The following PCDHGA8 variants were observed in gnomAD, a reference collection of about 807,000 sequenced individuals.
PCDHGA8 encodes the protein protocadherin gamma subfamily A, 8, also known as protocadherin gamma-A8.
In PCDHGA8, 45 loss-of-function variants were observed where a neutral mutation model predicts 59.2. The ratio of observed to expected loss-of-function variants is 0.76; its 90% CI spans 0.60 to 0.98. The LOEUF (loss-of-function observed/expected upper bound fraction) is 0.98, where lower values mean the gene tolerates loss of function less well. PCDHGA8 is among the 50% of genes least tolerant of loss of function. PCDHGA8 has a pLI of 0.00. For synonymous variants in PCDHGA8, 531 were observed against 519.0 expected, an observed-to-expected ratio of 1.02 and a Z score of -0.32; for missense variants, 1,257 against 1,196.2, an observed-to-expected ratio of 1.05 and a Z score of -0.75.
At chr5:141,413,271 C>T in intron 1 of PCDHGA8, 1 of 1,613,940 alleles carries the variant, frequency 6.2e-7, no homozygotes, top group Non-Finnish European at 8.5e-7. Flanking sequence ...AGGCTGGAGC[C>T]CGGCAGATCT....
In PCDHGA8 at chr5:141,486,184, A is replaced by G. The variant is rs2099625756; in HGVS notation, c.2425-8623A>G. 8 of 1,614,014 alleles carry G rather than the reference A, an allele frequency of 5.0e-6. No homozygotes were observed. Among genetic ancestry groups the G allele is most frequent in the Non-Finnish European group, 6.8e-6 (8 of 1,180,026 alleles). On this transcript the variant is annotated intron_variant, in intron 1 of 3. Transcript: ENST00000398604. This position sits in a 1 kb window ranked among gnomAD's most constrained non-coding sequence, Gnocchi z 5.0. ...CCATGGAGCAACATTGCAGCCTTCG[A>G]GTGGATCTGCTGGACGTAAATGACA...
chr5:141,457,868 G>T lies in PCDHGA8; in HGVS notation c.2425-36939G>T, dbSNP rs1479066479. ...AAAGTGACATTCTTCACTGACCACA[G>T]GTTAGGAACCCTGTGTGGGGACTGT... On this transcript the variant is annotated intron_variant, in intron 1 of 3. Transcript: ENST00000398604. Among the ~76,000 whole-genome samples the T allele has an allele frequency of 2.0e-5, 3 of 152,346 alleles. No individual in the cohort carries two copies. In the East Asian group the frequency reaches 5.8e-4, roughly 29 times the overall value.
chr5:141,491,564 G>A lies in PCDHGA8; in HGVS notation c.2425-3243G>A, dbSNP rs2099721154. On this transcript the variant is annotated intron_variant, in intron 1 of 3. Coordinates refer to ENST00000398604, the MANE Select transcript of PCDHGA8 (RefSeq NM_032088.2). The surrounding 1 kb of genome is among the most constrained non-coding windows in gnomAD (Gnocchi z 6.9). Reference sequence around the variant, plus strand: ...ACAGACTCGCAGAGCCACTGCTACAGGACGTGCTTTTCACCGGCCTCGGAC... The same window carrying A: ...ACAGACTCGCAGAGCCACTGCTACAAGACGTGCTTTTCACCGGCCTCGGAC... The A allele has an allele frequency of 3.1e-6, 5 of 1,613,878 alleles. No individual in the cohort carries two copies. Among genetic ancestry groups the A allele is most frequent in the Non-Finnish European group, 8.5e-7 (1 of 1,180,042 alleles).
At chr5:141,405,330 T>C (rs750658260) in intron 1 of PCDHGA8, 1 of 1,614,206 alleles carries the variant, frequency 6.2e-7, no homozygotes, top group East Asian at 2.2e-5. Context: ...CCTTTGTGCG[T>C]CTCTGTTGAT....
chr5:141,489,707 G>A lies in PCDHGA8; in HGVS notation c.2425-5100G>A. 6.2e-7 allele frequency: 1 copy of A among 1,614,194 alleles called. No individual in the cohort carries two copies. Among genetic ancestry groups the A allele is most frequent in the Non-Finnish European group, 8.5e-7 (1 of 1,180,022 alleles). The stretch of plus-strand genomic sequence containing the variant: ...TCTGGGGCACGATTCCCACTGGACA[G>A]TGCCCAGGATCCGGATGTGGGCACC... On this transcript the variant is annotated intron_variant, in intron 1 of 3. Transcript: ENST00000398604. The surrounding 1 kb of genome is among the most constrained non-coding windows in gnomAD (Gnocchi z 4.5).
intron 2 of PCDHGA8, among the ~76,000 whole-genome samples, chr5:141,504,999 T>C (rs1278633184): frequency 6.6e-6 from 1 of 152,000 alleles, no homozygotes; most frequent in African/African-American, 2.4e-5. Context: ...CCGTCTGTAC[T>C]AAAAATACAA....
At chr5:141,437,096 C>T (rs989863634) in intron 1 of PCDHGA8, among the ~76,000 whole-genome samples, 6 of 152,122 alleles carry the variant, frequency 3.9e-5, no homozygotes, top group Non-Finnish European at 8.8e-5. Context: ...AAACTAACGG[C>T]TTAGCTTTAG....
chr5:141,490,644 T>C lies in PCDHGA8; in HGVS notation c.2425-4163T>C. The C allele has an allele frequency of 6.2e-7, 1 of 1,614,188 alleles. No homozygotes were observed. Among genetic ancestry groups the C allele is most frequent in the Non-Finnish European group, 8.5e-7 (1 of 1,180,016 alleles). On this transcript the variant is annotated intron_variant, in intron 1 of 3. Coordinates refer to ENST00000398604, the MANE Select transcript of PCDHGA8 (RefSeq NM_032088.2). The surrounding 1 kb of genome is among the most constrained non-coding windows in gnomAD (Gnocchi z 5.4). Reference sequence around the variant, plus strand: ...CTGCTTACATCCTAGAAAACCGGCCTCCGGGCTCCCTTCTTTGCACTGTGG... The same window carrying C: ...CTGCTTACATCCTAGAAAACCGGCCCCCGGGCTCCCTTCTTTGCACTGTGG...
chr5:141,431,215 CCCTCTACCCCACG>C lies in PCDHGA8; in HGVS notation c.2424+35982_2424+35994del. The C allele has an allele frequency of 6.2e-7, 1 of 1,614,184 alleles. No homozygotes were observed. Among genetic ancestry groups the C allele is most frequent in the Non-Finnish European group, 8.5e-7 (1 of 1,180,048 alleles). On this transcript the variant is annotated intron_variant, in intron 1 of 3. Transcript: ENST00000398604. The surrounding 1 kb of genome is among the most constrained non-coding windows in gnomAD (Gnocchi z 4.8). ...AAAATGCAGCCACTGAGATGCGGTT[CCCTCTACCCCACG>C]CCTGGGATCCGGATATCGGGAAGAA... is the stretch of plus-strand genomic sequence containing the variant.
chr5:141,433,837 CAAA>C (rs56191208), intron 1 of PCDHGA8, among the ~76,000 whole-genome samples: 5 of 111,684 alleles, frequency 4.5e-5, no homozygotes, highest in Admixed American at 2.0e-4. Flanking sequence ...AACTCTATCT[CAAA>C]AAAAAAAAAA....
At position 141,423,756 on chromosome 5, in the gene PCDHGA8, G is replaced by GGA. The variant is rs1554116833; in HGVS notation, c.2424+28520_2424+28521insAG. 3 of 448,454 alleles carry GGA rather than the reference G, an allele frequency of 6.7e-6. No individual in the cohort carries two copies. In the African/African-American group the frequency reaches 8.4e-5, roughly 13 times the overall value. The allele number at this position is 448,454 out of a possible 1,614,324, so 27.8% of individuals were successfully genotyped here. A position where few individuals can be genotyped will look rare whatever the true frequency, so the allele number is the denominator to read the frequency against. ...GCCTGTTATGAAAACTGTTTGGGGG[G>GGA]GGGGTGGGGCGGCATATATTTAGTT... On this transcript the variant is annotated intron_variant, in intron 1 of 3. Coordinates refer to ENST00000398604, the MANE Select transcript of PCDHGA8 (RefSeq NM_032088.2).
At chr5:141,398,740 C>G in intron 1 of PCDHGA8, 2 of 1,613,864 alleles carry the variant, frequency 1.2e-6, no homozygotes, top group Non-Finnish European at 1.7e-6. Context: ...CCGGGAACAA[C>G]AGAGTTACCA....
chr5:141,474,019 A>G (rs923131322), intron 1 of PCDHGA8, among the ~76,000 whole-genome samples: 4 of 152,134 alleles, frequency 2.6e-5, no homozygotes, highest in Non-Finnish European at 4.4e-5. Flanking sequence ...ACAGTGAGCT[A>G]TGATTATTCC....
chr5:141,463,135 C>G (rs1352400365), intron 1 of PCDHGA8, among the ~76,000 whole-genome samples: 1 of 152,128 alleles, frequency 6.6e-6, no homozygotes, highest in African/African-American at 2.4e-5. Flanking sequence ...GGCAGTTCTT[C>G]GCCCAGCTGC....
chr5:141,393,118 G>A lies in PCDHGA8; in HGVS notation c.305G>A (p.Cys102Tyr). The A allele has an allele frequency of 3.7e-6, 6 of 1,613,472 alleles. No individual in the cohort carries two copies. The highest frequency in any genetic ancestry group is 5.1e-6 in the Non-Finnish European group (6 of 1,179,900). Reference protein sequence around the residue: ...REELCAQSPRCLININTLVED... With the variant: ...REELCAQSPRYLININTLVED... ...GAGCTCTGCGCTCAGAGCCCGCGGTGTCTGATAAATATTAACACCCTGGTT... is the reference window on the plus strand; with the variant it reads ...GAGCTCTGCGCTCAGAGCCCGCGGTATCTGATAAATATTAACACCCTGGTT... The change falls in exon 1 of 4, where the codon TGT becomes TAT. Residue 102 changes from cysteine to tyrosine, a missense_variant. Transcript: ENST00000398604.
At chr5:141,410,147 G>T in intron 1 of PCDHGA8, 1 of 1,612,952 alleles carries the variant, frequency 6.2e-7, no homozygotes, top group Non-Finnish European at 8.5e-7. Flanking sequence ...TGTGCGTGAC[G>T]GTGGACAGCC....
chr5:141,432,715 C>T lies in PCDHGA8; in HGVS notation c.2424+37478C>T. 1 of 1,613,996 alleles carries T rather than the reference C, an allele frequency of 6.2e-7. No individual in the cohort carries two copies. The highest frequency in any genetic ancestry group is 8.5e-7 in the Non-Finnish European group (1 of 1,179,970). ...TGGCCGTCCAGGACCACGGCCAGCC[C>T]CCTCTCTCCGCCACTGTCACGCTCA... On this transcript the variant is annotated intron_variant, in intron 1 of 3. Transcript: ENST00000398604. This position sits in a 1 kb window ranked among gnomAD's most constrained non-coding sequence, Gnocchi z 6.0.
intron 1 of PCDHGA8, among the ~76,000 whole-genome samples, chr5:141,439,380 G>C (rs1324859898): frequency 6.6e-6 from 1 of 152,158 alleles, no homozygotes; most frequent in East Asian, 1.9e-4. Flanking sequence ...ATAAAAATAA[G>C]TCATCACTTC....
At position 141,485,402 on chromosome 5, in the gene PCDHGA8, G is replaced by T. The variant is rs375700791; in HGVS notation, c.2425-9405G>T. ...AGAGGTGAACCAAAGACACTTCCGTGTGGATTTGGACAGCGGAGCCCTGCT... is the reference window on the plus strand; with the variant it reads ...AGAGGTGAACCAAAGACACTTCCGTTTGGATTTGGACAGCGGAGCCCTGCT... On this transcript the variant is annotated intron_variant, in intron 1 of 3. Coordinates refer to ENST00000398604, the MANE Select transcript of PCDHGA8 (RefSeq NM_032088.2). This position sits in a 1 kb window ranked among gnomAD's most constrained non-coding sequence, Gnocchi z 5.7. The T allele has an allele frequency of 6.2e-7, 1 of 1,614,194 alleles. No homozygotes were observed. Among genetic ancestry groups the T allele is most frequent in the East Asian group, 2.2e-5 (1 of 44,878 alleles).
Sources: allele counts gnomAD v4.1 joint callset (sites outside exome capture counted in the v4.1 genomes callset), GRCh38; gene constraint gnomAD v4.1.1; non-coding constraint Gnocchi (gnomAD v3.1); transcripts MANE v1.5; gene names NCBI Gene and HGNC (gene_info 2026-07-23, HGNC 2026-07-21).